Variants in POR observed in about 807,000 individuals in gnomAD.
The protein encoded by POR is cytochrome p450 oxidoreductase.
POR carries 56 observed loss-of-function variants against 84.0 expected under a neutral mutation model. The observed-to-expected ratio is 0.67, with a 90% CI of 0.54 to 0.83. The LOEUF is 0.83. POR is among the 40% of genes least tolerant of loss of function. POR has a pLI of 0.00. For missense variants in POR, 938 were observed against 944.3 expected (o/e 0.99, Z 0.09); for synonymous variants, 414 against 400.5 (o/e 1.03, Z -0.40).
chr7:75,943,916 T>C, intron 1 of POR: 1 of 463,798 alleles, frequency 2.2e-6, no homozygotes, highest in Non-Finnish European at 4.2e-6. Flanking sequence ...CTGCAACATC[T>C]TTTAAGGGAA....
chr7:75,966,797 A>G (rs113943381), intron 2 of POR, among the ~76,000 whole-genome samples: 8 of 152,198 alleles, frequency 5.3e-5, no homozygotes, highest in African/African-American at 1.7e-4. Flanking sequence ...TTCCCCACGC[A>G]GTGGACTACA....
At chr7:75,955,088 C>T (rs1347802266) in intron 2 of POR, among the ~76,000 whole-genome samples, 1 of 152,168 alleles carries the variant, frequency 6.6e-6, no homozygotes, top group Non-Finnish European at 1.5e-5. Flanking sequence ...GCAATCCGCA[C>T]ACCTTGGTCT....
chr7:75,956,873 A>G (rs1787709521), intron 2 of POR, among the ~76,000 whole-genome samples: 1 of 152,024 alleles, frequency 6.6e-6, no homozygotes, highest in East Asian at 1.9e-4. Flanking sequence ...CTACAGGCAC[A>G]TGCTACCACG....
At chr7:75,957,979 A>G (rs561292128) in intron 2 of POR, among the ~76,000 whole-genome samples, 12 of 152,298 alleles carry the variant, frequency 7.9e-5, no homozygotes, top group South Asian at 2.1e-4. Flanking sequence ...GATCTTTCCA[A>G]GTCTGTGTCC....
chr7:75,926,015 TTCTC>T (rs1554549439), intron 1 of POR, among the ~76,000 whole-genome samples: 1 of 150,336 alleles, frequency 6.7e-6, no homozygotes, highest in Non-Finnish European at 1.5e-5. Context: ...TTTTTTTTCT[TTCTC>T]TTTTCTCTCT....
At position 75,923,340 on chromosome 7, in the gene POR, G is replaced by T. The variant is rs1323636139; in HGVS notation, c.-5+8161G>T. On this transcript the variant is annotated intron_variant, in intron 1 of 15. Coordinates refer to ENST00000461988, the MANE Select transcript of POR (RefSeq NM_000941.3). ...GTTCTTGTCCCCTTTCCACCTCTCA[G>T]TGGACTGTCATGCTACCAAAAATAG... 6.6e-6 allele frequency: 6 copies of T among 903,668 alleles called. No homozygotes were observed. The Admixed American group carries it at 8.5e-5, about 13-fold the overall frequency. The allele number at this position is 903,668 out of a possible 1,614,324, so 56.0% of individuals were successfully genotyped here.
At chr7:75,936,072 C>A (rs1807662207) in intron 1 of POR, among the ~76,000 whole-genome samples, 1 of 145,848 alleles carries the variant, frequency 6.9e-6, no homozygotes, top group Non-Finnish European at 1.5e-5. Flanking sequence ...AGTGTCTTTA[C>A]TGTTTCTTTC....
chr7:75,942,588 A>T (rs1786971341), intron 1 of POR, among the ~76,000 whole-genome samples: 1 of 151,880 alleles, frequency 6.6e-6, no homozygotes, highest in South Asian at 2.1e-4. Flanking sequence ...AAATATGGGA[A>T]TTTCCTTCAT....
chr7:75,973,105 GA>G (rs1788514014), intron 3 of POR, among the ~76,000 whole-genome samples: 1 of 152,040 alleles, frequency 6.6e-6, no homozygotes, highest in South Asian at 2.1e-4. Context: ...TTACAGGCGT[GA>G]ACCACCGCAC....
intron 3 of POR, among the ~76,000 whole-genome samples, chr7:75,979,196 G>A (rs782352654): frequency 5.3e-5 from 8 of 152,286 alleles, no homozygotes; most frequent in South Asian, 2.1e-4. Context: ...TTTTTTCCCC[G>A]TGTCATGAAA....
At position 75,948,774 on chromosome 7, in the gene POR, C is replaced by T. The variant is rs60957170; in HGVS notation, c.-4-5215C>T. 2.4e-4 allele frequency among the ~76,000 whole-genome samples: 37 copies of T among 152,232 alleles called. 1 individual carries two copies. The East Asian group carries it at 7.1e-3, about 29-fold the overall frequency. On this transcript the variant is annotated intron_variant, in intron 1 of 15. Coordinates refer to ENST00000461988, the MANE Select transcript of POR (RefSeq NM_000941.3). ...CTGTGAACTAAGCCAAGTCCCTGCC[C>T]TTGTGGGGTGACCCTCTAGTCAGGG...
chr7:75,947,855 T>C (rs1441510761), intron 1 of POR, among the ~76,000 whole-genome samples: 1 of 151,106 alleles, frequency 6.6e-6, no homozygotes, highest in Non-Finnish European at 1.5e-5. Flanking sequence ...AGCTGGAGAG[T>C]GGCTCAGGGT....
intron 8 of POR, chr7:75,983,318 G>A: frequency 1.8e-6 from 1 of 546,452 alleles, no homozygotes; most frequent in Non-Finnish European, 3.2e-6. Context: ...TCCAGCCTGG[G>A]TGGCAGAGCG....
Position 75,934,246 on chromosome 7 carries a change from A to C in POR, c.-5+19067A>C, listed in dbSNP as rs572846588. 8.0e-4 allele frequency among the ~76,000 whole-genome samples: 120 copies of C among 149,694 alleles called. 2 individuals carry two copies. The highest frequency in any genetic ancestry group is 8.1e-4 in the Admixed American group (12 of 14,792). ...AAAATGTGAGGCCGTGTCTTTGTCAACGTCTCACAGTTTGGTTTGGGTTTG... is the reference window on the plus strand; with the variant it reads ...AAAATGTGAGGCCGTGTCTTTGTCACCGTCTCACAGTTTGGTTTGGGTTTG... On this transcript the variant is annotated intron_variant, in intron 1 of 15. Coordinates refer to ENST00000461988, the MANE Select transcript of POR (RefSeq NM_000941.3).
At position 75,939,888 on chromosome 7, in the gene POR, G is replaced by A. The variant is rs553404606; in HGVS notation, c.-4-14101G>A. 1.0e-3 allele frequency among the ~76,000 whole-genome samples: 155 copies of A among 150,462 alleles called. No individual in the cohort carries two copies. In the Middle Eastern group the frequency reaches 0.015, roughly 14 times the overall value. On this transcript the variant is annotated intron_variant, in intron 1 of 15. Coordinates refer to ENST00000461988, the MANE Select transcript of POR (RefSeq NM_000941.3). ...CTCCCAAAGTGTTGGGATTACAGGC[G>A]TGAGCCACCGCACCTGGCCCTCTTT...
In POR at chr7:75,984,954, G is replaced by GC; in HGVS notation, c.1245dup (p.Lys416GlnfsTer34). Reference sequence around the variant, plus strand: ...AAGATGGCCTCCTCCTCCGGCGAGGGCAAGGTGCGCCCCCTCAGCCCCCGC... The same window carrying GC: ...AAGATGGCCTCCTCCTCCGGCGAGGGCCAAGGTGCGCCCCCTCAGCCCCCGC... On this transcript the variant is annotated frameshift_variant, in exon 11 of 16. Coordinates refer to ENST00000461988, the MANE Select transcript of POR (RefSeq NM_000941.3). LOFTEE classifies it high-confidence loss of function. The GC allele has an allele frequency of 6.3e-7, 1 of 1,591,488 alleles. No homozygotes were observed. The highest frequency in any genetic ancestry group is 1.1e-5 in the South Asian group (1 of 89,056).
At chr7:75,935,618 CTTGTGTGTGTGT>C (rs1807632149) in intron 1 of POR, among the ~76,000 whole-genome samples, 1 of 107,512 alleles carries the variant, frequency 9.3e-6, no homozygotes, top group Non-Finnish European at 1.9e-5. Context: ...CTGCTCGGGG[CTTGTGTGTGTGT>C]GTGTGTGTGT....
chr7:75,984,442 C>A (rs922033571), intron 10 of POR, among the ~76,000 whole-genome samples: 7 of 152,210 alleles, frequency 4.6e-5, no homozygotes, highest in African/African-American at 1.7e-4. Context: ...CCCTTACTGT[C>A]GGCTTCCACA....
intron 1 of POR, among the ~76,000 whole-genome samples, chr7:75,923,646 G>A (rs1563398078): frequency 6.6e-6 from 1 of 152,136 alleles, no homozygotes; most frequent in Admixed American, 6.6e-5. Flanking sequence ...CTAGCACTTT[G>A]GGAGGCTGAG....
Sources: gnomAD v4.1 joint callset for allele counts (sites outside exome capture counted in the v4.1 genomes callset) on GRCh38, gnomAD v4.1.1 for gene constraint, MANE v1.5 for transcripts, NCBI Gene and HGNC (gene_info 2026-07-23, HGNC 2026-07-21) for gene names.